Variants in MXRA7 observed in about 807,000 individuals in gnomAD.
MXRA7 encodes matrix remodeling associated 7.
In MXRA7, 18 loss-of-function variants were observed where a neutral mutation model predicts 17.4. The observed-to-expected ratio is 1.03, with a 90% CI of 0.71 to 1.53. The LOEUF is 1.53. Among genes scored for constraint, MXRA7 ranks in the 40% most tolerant of loss-of-function variants. The pLI is 0.00. For synonymous variants in MXRA7, 70 were observed against 101.7 expected (o/e 0.69, Z 1.87); for missense variants, 141 against 209.3 (o/e 0.67, Z 2.01).
chr17:76,688,305 C>G (rs768919543), intron 1 of MXRA7, 129 bp from the exon 2 acceptor site: 1 of 1,495,854 alleles, frequency 6.7e-7, no homozygotes, highest in South Asian at 1.3e-5. Context: ...GTGGCAGCGC[C>G]TGCCCTGTGG....
At chr17:76,695,488 C>T (rs1298236756) in intron 1 of MXRA7, among the ~76,000 whole-genome samples, 2 of 152,134 alleles carry the variant, frequency 1.3e-5, no homozygotes, top group African/African-American at 4.8e-5. Flanking sequence ...CTTCGTGCCT[C>T]CCTCATAGCA....
intron 1 of MXRA7, among the ~76,000 whole-genome samples, chr17:76,698,256 C>T (rs2076554137): frequency 6.6e-6 from 1 of 152,234 alleles, no homozygotes; most frequent in Non-Finnish European, 1.5e-5. Context: ...GGCCCCCCAA[C>T]CCCAGAATGG....
intron 1 of MXRA7, among the ~76,000 whole-genome samples, chr17:76,704,373 T>C (rs2076630864): frequency 6.7e-6 from 1 of 150,076 alleles, no homozygotes; most frequent in African/African-American, 2.4e-5. Flanking sequence ...GCCCGGCTAA[T>C]TTTTTGTATT....
In MXRA7 at chr17:76,681,389, A is replaced by C. The variant is rs1231693258; in HGVS notation, c.501-510T>G. ...GCCCTGGGACCACTGAGAACCCAGC[A>C]GGTCTGATCTTGTCCCTCTGACGCC... On this transcript the variant is annotated intron_variant, in intron 3 of 3. Transcript: ENST00000449428. This position sits in a 1 kb window ranked among gnomAD's most constrained non-coding sequence, Gnocchi z 4.7. 6.6e-6 allele frequency among the ~76,000 whole-genome samples: 1 copy of C among 152,028 alleles called. No individual in the cohort carries two copies. The highest frequency in any genetic ancestry group is 2.1e-4 in the South Asian group (1 of 4,816).
rs754510163 is a variant in MXRA7, at chr17:76,695,228, TAA to T, written c.343-7054_343-7053del. On this transcript the variant is annotated intron_variant, in intron 1 of 3. Transcript: ENST00000449428. ...TTGACTGCATTTTGCCCTGATTTTATAAAAGTGTGGACACAACAGAAAAGTGA... is the reference window on the plus strand; with the variant it reads ...TTGACTGCATTTTGCCCTGATTTTATAAGTGTGGACACAACAGAAAAGTGA... Among the ~76,000 whole-genome samples the T allele has an allele frequency of 7.2e-5, 11 of 152,230 alleles. No individual in the cohort carries two copies. The East Asian group carries it at 1.9e-3, about 27-fold the overall frequency.
In MXRA7 at chr17:76,680,555, T is replaced by C. The variant is rs2076288706; in HGVS notation, c.*312A>G. The stretch of plus-strand genomic sequence containing the variant: ...ATCTAAGGTGTGCAGGGTGTGTGGA[T>C]AGCAAGTTTGAGTGGTAAGAAAAAT... On this transcript the variant is annotated 3_prime_UTR_variant, in exon 4 of 4. Transcript: ENST00000449428. 4.3e-6 allele frequency: 5 copies of C among 1,155,318 alleles called. No individual in the cohort carries two copies. Among genetic ancestry groups the C allele is most frequent in the Non-Finnish European group, 4.3e-6 (4 of 938,050 alleles). The allele number at this position is 1,155,318 out of a possible 1,614,324, so 71.6% of individuals were successfully genotyped here. A position where few individuals can be genotyped will look rare whatever the true frequency, so the allele number is the denominator to read the frequency against.
chr17:76,682,497 T>C (rs1391448857), intron 3 of MXRA7, among the ~76,000 whole-genome samples: 1 of 152,096 alleles, frequency 6.6e-6, no homozygotes, highest in Non-Finnish European at 1.5e-5. Flanking sequence ...ACCAGAACTG[T>C]CTCACAGCTG....
chr17:76,680,866 G>A lies in MXRA7; in HGVS notation c.*1C>T, dbSNP rs767361610. On this transcript the variant is annotated 3_prime_UTR_variant, in exon 4 of 4. Coordinates refer to ENST00000449428, the MANE Select transcript of MXRA7 (RefSeq NM_198530.4). ...TTAGGAGGACGCTAAGGATAACTTC[G>A]TTATTCTTCAGTTCTGTAAAGAGAA... 10 of 1,609,978 alleles carry A rather than the reference G, an allele frequency of 6.2e-6. No individual in the cohort carries two copies. Among genetic ancestry groups the A allele is most frequent in the African/African-American group, 1.3e-5 (1 of 74,842 alleles).
chr17:76,697,823 G>A (rs1490781212), intron 1 of MXRA7, among the ~76,000 whole-genome samples: 2 of 152,088 alleles, frequency 1.3e-5, no homozygotes, highest in Admixed American at 1.3e-4. Flanking sequence ...GCTGCACGCT[G>A]CCATTTATGG....
At chr17:76,678,704 A>G (rs1361750222), downstream of MXRA7, among the ~76,000 whole-genome samples, 1 of 152,212 alleles carries the variant, frequency 6.6e-6, no homozygotes, top group African/African-American at 2.4e-5. Context: ...AGGCTCTGCA[A>G]CCGCAGGACC....
chr17:76,683,393 C>A (rs1484305189), intron 3 of MXRA7, among the ~76,000 whole-genome samples: 1 of 152,194 alleles, frequency 6.6e-6, no homozygotes, highest in Non-Finnish European at 1.5e-5. Flanking sequence ...TAACCCTTGC[C>A]CTGATCCTAA....
intron 1 of MXRA7, among the ~76,000 whole-genome samples, chr17:76,702,753 G>A (rs1346243239): frequency 6.6e-6 from 1 of 151,614 alleles, no homozygotes; most frequent in African/African-American, 2.4e-5. Context: ...TTGGGAGCCT[G>A]AGGCAAGAGA....
In MXRA7 at chr17:76,688,154, C is replaced by A; in HGVS notation, c.365G>T (p.Gly122Val). 1 of 1,614,208 alleles carries A rather than the reference C, an allele frequency of 6.2e-7. No homozygotes were observed. The highest frequency in any genetic ancestry group is 8.5e-7 in the Non-Finnish European group (1 of 1,180,030). Reference sequence around the variant, plus strand: ...CCCTTCCGATGATGGCCCCTTCTCACCATCCAAGTCCTGCTCCTCTTCCTG... The same window carrying A: ...CCCTTCCGATGATGGCCCCTTCTCAACATCCAAGTCCTGCTCCTCTTCCTG... ...ARQEEEQDLD[G>V]EKGPSSEGPE... Residue 122 changes from glycine to valine, a missense_variant, in exon 2 of 4, where the codon GGT becomes GTT. Around this residue, in one of 3 missense-constraint regions of MXRA7, gnomAD observed 67 missense variants for 80.3 expected, o/e 0.83. Coordinates refer to ENST00000449428, the MANE Select transcript of MXRA7 (RefSeq NM_198530.4).
chr17:76,709,227 A>C (rs1327282159), intron 1 of MXRA7, among the ~76,000 whole-genome samples: 2 of 152,170 alleles, frequency 1.3e-5, no homozygotes, highest in Non-Finnish European at 1.5e-5. Flanking sequence ...CGGCTCCAGA[A>C]CTGTCTAAAG....
In MXRA7 at chr17:76,706,348, C is replaced by A. The variant is rs112058108; in HGVS notation, c.342+4257G>T. 2.6e-3 allele frequency among the ~76,000 whole-genome samples: 221 copies of A among 83,956 alleles called. 14 individuals carry two copies. The highest frequency in any genetic ancestry group is 6.9e-3 in the East Asian group (19 of 2,748). The allele number at this position is 83,956 out of a possible 152,430, so 55.1% of individuals were successfully genotyped here. Reference sequence around the variant, plus strand: ...AAGGACCACGCTGCCATCACAGAGGCCCACTCTGCCATCACAGAGGCCCAC... The same window carrying A: ...AAGGACCACGCTGCCATCACAGAGGACCACTCTGCCATCACAGAGGCCCAC... On this transcript the variant is annotated intron_variant, in intron 1 of 3. Coordinates refer to ENST00000449428, the MANE Select transcript of MXRA7 (RefSeq NM_198530.4).
At chr17:76,706,569 G>A (rs112850719) in intron 1 of MXRA7, among the ~76,000 whole-genome samples, 53 of 152,234 alleles carry the variant, frequency 3.5e-4, no homozygotes, top group African/African-American at 1.3e-3. Context: ...GGGAAGGCTG[G>A]GGTCTCTGTA....
chr17:76,682,760 C>T (rs1331884318), intron 3 of MXRA7, among the ~76,000 whole-genome samples: 1 of 152,152 alleles, frequency 6.6e-6, no homozygotes, highest in East Asian at 1.9e-4. Flanking sequence ...TGAACGTGAA[C>T]TCCAGTCCTG....
chr17:76,672,996 C>G (rs1200062532), exon 4 of MXRA7: 3 of 152,182 alleles, frequency 2.0e-5, no homozygotes, highest in Non-Finnish European at 4.4e-5. Context: ...GGGTGGGCCT[C>G]AAGTTACTTA....
At chr17:76,692,233 A>T in intron 1 of MXRA7, among the ~76,000 whole-genome samples, 1 of 148,628 alleles carries the variant, frequency 6.7e-6, no homozygotes, top group Non-Finnish European at 1.5e-5. Context: ...AAAAAATTGT[A>T]CTTGACTTTG....
Sources: gnomAD v4.1 joint callset for allele counts (sites outside exome capture counted in the v4.1 genomes callset) on GRCh38, gnomAD v4.1.1 for gene constraint, gnomAD v4.1.1 regional missense constraint, Gnocchi (gnomAD v3.1) non-coding constraint, MANE v1.5 for transcripts, NCBI Gene and HGNC (gene_info 2026-07-23, HGNC 2026-07-21) for gene names.